PLAG1: variants seen among roughly 807,000 people sequenced by gnomAD.
PLAG1 encodes PLAG1 zinc finger.
PLAG1 carries 7 observed loss-of-function variants against 35.5 expected under a neutral mutation model. That is an observed-to-expected ratio of 0.20 (90% CI 0.11 to 0.37). The LOEUF (loss-of-function observed/expected upper bound fraction) is 0.37. Ranked by LOEUF, PLAG1 falls within the 10% of genes least tolerant of loss-of-function variation. PLAG1 has a pLI of 1.00. For synonymous variants in PLAG1, 229 were observed against 225.4 expected, an observed-to-expected ratio of 1.02 and a Z score of -0.14; for missense variants, 454 against 602.8, an observed-to-expected ratio of 0.75 and a Z score of 2.58.
intron 2 of PLAG1, among the ~76,000 whole-genome samples, chr8:56,172,565 G>A (rs569717655): frequency 9.2e-5 from 14 of 152,252 alleles, no homozygotes; most frequent in African/African-American, 2.4e-4. Context: ...TACCTGACAC[G>A]TGTGGAGTGT....
chr8:56,185,404 G>A (rs1348021137), intron 1 of PLAG1, among the ~76,000 whole-genome samples: 1 of 151,976 alleles, frequency 6.6e-6, no homozygotes, highest in African/African-American at 2.4e-5. Context: ...ACAATAAAAT[G>A]GCAGAGTTTT....
rs1283217607 is a variant in PLAG1, at chr8:56,161,684, A to AT, written c.*4558_*4559insA. 4.8e-5 allele frequency: 11 copies of AT among 227,710 alleles called. No individual in the cohort carries two copies. Among genetic ancestry groups the AT allele is most frequent in the African/African-American group, 2.4e-4 (11 of 45,042 alleles). The allele number at this position is 227,710 out of a possible 1,614,324, so 14.1% of individuals were successfully genotyped here. A position where few individuals can be genotyped will look rare whatever the true frequency, so the allele number is the denominator to read the frequency against. ...ATGACAAATTAAGTCACAGTATAAAAATATATTGTACACTTTTACACCTAA... is the reference window on the plus strand; with the variant it reads ...ATGACAAATTAAGTCACAGTATAAAATATATATTGTACACTTTTACACCTAA... On this transcript the variant is annotated 3_prime_UTR_variant, in exon 5 of 5. Coordinates refer to ENST00000316981, the MANE Select transcript of PLAG1 (RefSeq NM_002655.3).
chr8:56,180,851 TAAAC>T (rs1201553490), intron 1 of PLAG1, among the ~76,000 whole-genome samples: 2 of 152,032 alleles, frequency 1.3e-5, no homozygotes, highest in African/African-American at 2.4e-5. Flanking sequence ...ACAAGGAACT[TAAAC>T]AAATTTACAA....
At chr8:56,195,976 A>G (rs1347990488) in intron 1 of PLAG1, among the ~76,000 whole-genome samples, 2 of 152,178 alleles carry the variant, frequency 1.3e-5, no homozygotes, top group South Asian at 2.1e-4. Flanking sequence ...GTGGGAGGAC[A>G]CACCAAACTG....
At chr8:56,191,382 C>T (rs1163228292) in intron 1 of PLAG1, among the ~76,000 whole-genome samples, 1 of 152,124 alleles carries the variant, frequency 6.6e-6, no homozygotes, top group African/African-American at 2.4e-5. Context: ...GAAGTGGAGG[C>T]AGAGGACGCG....
At chr8:56,182,002 T>C (rs1203689263) in intron 1 of PLAG1, among the ~76,000 whole-genome samples, 1 of 152,192 alleles carries the variant, frequency 6.6e-6, no homozygotes, top group Non-Finnish European at 1.5e-5. Context: ...GAACCACAGA[T>C]GATTAGATTC....
rs868624994 is a variant in PLAG1, at chr8:56,163,367, A to G, written c.*2876T>C. On this transcript the variant is annotated 3_prime_UTR_variant, in exon 5 of 5. Transcript: ENST00000316981. Reference sequence around the variant, plus strand: ...AGAAACAAACAATCTTTTTCTAGGGAAAAAAAAGCCAATTCTGTGTTACAT... The same window carrying G: ...AGAAACAAACAATCTTTTTCTAGGGGAAAAAAAGCCAATTCTGTGTTACAT... The G allele has an allele frequency of 1.4e-4, 28 of 196,000 alleles. No individual in the cohort carries two copies. Among genetic ancestry groups the G allele is most frequent in the South Asian group, 7.7e-4 (4 of 5,184 alleles). The allele number at this position is 196,000 out of a possible 1,614,324, so 12.1% of individuals were successfully genotyped here.
At chr8:56,193,634 A>G (rs905837010) in intron 1 of PLAG1, among the ~76,000 whole-genome samples, 1 of 152,112 alleles carries the variant, frequency 6.6e-6, no homozygotes, top group Non-Finnish European at 1.5e-5. Context: ...TAAGCATTCG[A>G]GACTGATGTA....
chr8:56,194,536 G>A lies in PLAG1; in HGVS notation c.-321-15023C>T, dbSNP rs544300946. ...AGAGACTTCGGTCATGGAGCAGGCA[G>A]GTGGAGGAACCGGAAGAGCATCTGC... is the stretch of plus-strand genomic sequence containing the variant. On this transcript the variant is annotated intron_variant, in intron 1 of 4. Coordinates refer to ENST00000316981, the MANE Select transcript of PLAG1 (RefSeq NM_002655.3). Among the ~76,000 whole-genome samples the A allele has an allele frequency of 3.9e-5, 6 of 152,248 alleles. No homozygotes were observed. In the South Asian group the frequency reaches 1.2e-3, roughly 32 times the overall value.
At chr8:56,196,941 C>T (rs535653983) in intron 1 of PLAG1, among the ~76,000 whole-genome samples, 8 of 128,932 alleles carry the variant, frequency 6.2e-5, no homozygotes, top group Admixed American at 2.4e-4. Flanking sequence ...CCCTCTCCCT[C>T]CCTAGTGTGC....
intron 1 of PLAG1, among the ~76,000 whole-genome samples, chr8:56,190,280 G>C (rs1294178400): frequency 6.6e-6 from 1 of 152,138 alleles, no homozygotes; most frequent in Non-Finnish European, 1.5e-5. Flanking sequence ...AAAGGGGCAC[G>C]GAGAGGGGAA....
At chr8:56,194,609 TTG>T (rs537069810) in intron 1 of PLAG1, among the ~76,000 whole-genome samples, 1 of 150,188 alleles carries the variant, frequency 6.7e-6, no homozygotes, top group Non-Finnish European at 1.5e-5. Flanking sequence ...GTATGTGTGT[TTG>T]TGTGTGTGTG....
chr8:56,176,590 AAAG>A (rs1484713671), intron 2 of PLAG1, among the ~76,000 whole-genome samples: 2 of 152,238 alleles, frequency 1.3e-5, no homozygotes, highest in Non-Finnish European at 1.5e-5. Context: ...CTCAGAGAGC[AAAG>A]AAGGACAATT....
chr8:56,163,067 G>T lies in PLAG1; in HGVS notation c.*3176C>A, dbSNP rs1811253510. On this transcript the variant is annotated 3_prime_UTR_variant, in exon 5 of 5. Transcript: ENST00000316981. ...CTTGTATACATCAATGGATAGCATT[G>T]CTTACAGTGCCAAGATCCTTCCACA... The T allele has an allele frequency of 4.7e-6, 1 of 211,794 alleles. No individual in the cohort carries two copies. The highest frequency in any genetic ancestry group is 2.3e-5 in the African/African-American group (1 of 44,128). 13.1% of individuals were successfully genotyped at this position (211,794 alleles called of 1,614,324 possible).
intron 1 of PLAG1, among the ~76,000 whole-genome samples, chr8:56,210,009 A>C (rs2129237071): frequency 6.6e-6 from 1 of 152,324 alleles, no homozygotes; most frequent in East Asian, 1.9e-4. Flanking sequence ...ATCTTATCTG[A>C]GATCAGTCCA....
Position 56,175,334 on chromosome 8 carries a change from T to C in PLAG1, c.-217+4075A>G, listed in dbSNP as rs139913815. On this transcript the variant is annotated intron_variant, in intron 2 of 4. Coordinates refer to ENST00000316981, the MANE Select transcript of PLAG1 (RefSeq NM_002655.3). The stretch of plus-strand genomic sequence containing the variant: ...CTGATGCCTGCATTAGTCCTTGGTA[T>C]GGGGCAGGAAGGACGAGACTCTCAG... Among the ~76,000 whole-genome samples the C allele has an allele frequency of 3.9e-3, 588 of 152,276 alleles. 5 individuals are homozygous for C. The highest frequency in any genetic ancestry group is 0.014 in the African/African-American group (570 of 41,558).
intron 2 of PLAG1, among the ~76,000 whole-genome samples, chr8:56,173,260 CATTTT>C (rs1171237300): frequency 6.6e-6 from 1 of 152,062 alleles, no homozygotes. Context: ...CACAGCCAAT[CATTTT>C]ATTTTATCCC....
chr8:56,202,101 T>C (rs915794091), intron 1 of PLAG1, among the ~76,000 whole-genome samples: 2 of 152,148 alleles, frequency 1.3e-5, no homozygotes, highest in Non-Finnish European at 2.9e-5. Context: ...TTTAAAATAC[T>C]AGTCTAATTC....
intron 3 of PLAG1, 144 bp from the exon 4 acceptor site, chr8:56,168,530 G>C (rs1363405407): frequency 1.0e-5 from 3 of 296,662 alleles, no homozygotes; most frequent in Non-Finnish European, 1.9e-5. Context: ...CATTACATTA[G>C]AAACCCCATA....
Sources: allele counts gnomAD v4.1 joint callset (sites outside exome capture counted in the v4.1 genomes callset), GRCh38; gene constraint gnomAD v4.1.1; transcripts MANE v1.5; gene names NCBI Gene and HGNC (gene_info 2026-07-23, HGNC 2026-07-21).